CDK7: variants seen among roughly 807,000 people sequenced by gnomAD.
The protein encoded by CDK7 is cyclin-dependent kinase 7.
CDK7 carries 25 observed loss-of-function variants against 49.1 expected under a neutral mutation model. That is an observed-to-expected ratio of 0.51 (90% CI 0.37 to 0.71). The LOEUF is 0.71. Ranked by LOEUF, CDK7 falls within the 30% of genes least tolerant of loss-of-function variation. The probability of loss-of-function intolerance (pLI) is 0.00; values close to 1 mark genes in which losing one functional copy is unlikely to be tolerated. For synonymous variants in CDK7, 107 were observed against 140.0 expected (o/e 0.76, Z 1.67); for missense variants, 316 against 411.7 (o/e 0.77, Z 2.01).
At chr5:69,277,045 G>T in intron 11 of CDK7, 62 bp from the exon 12 acceptor site, 1 of 1,404,580 alleles carries the variant, frequency 7.1e-7, no homozygotes. Context: ...AAATTGCTAT[G>T]AGAATGTGAA....
intron 2 of CDK7, among the ~76,000 whole-genome samples, chr5:69,236,857 G>A (rs542860513): frequency 2.0e-5 from 3 of 151,274 alleles, no homozygotes; most frequent in South Asian, 2.1e-4. Flanking sequence ...TCGCCATGTC[G>A]GCCAGGCTGG....
intron 7 of CDK7, among the ~76,000 whole-genome samples, chr5:69,261,658 G>A (rs1263436693): frequency 6.6e-6 from 1 of 152,048 alleles, no homozygotes; most frequent in Non-Finnish European, 1.5e-5. Flanking sequence ...AGCCTCCCAA[G>A]TAGCTGGGAT....
At position 69,276,584 on chromosome 5, in the gene CDK7, AC is replaced by A; in HGVS notation, c.908del (p.Pro303LeufsTer15). The A allele has an allele frequency of 6.2e-7, 1 of 1,613,720 alleles. No homozygotes were observed. The highest frequency in any genetic ancestry group is 8.5e-7 in the Non-Finnish European group (1 of 1,179,986). ...KYFSNRPGPTPGCQLPRPNCP... is the reference protein window; with the variant it reads ...KYFSNRPGPTXGCQLPRPNCP... ...ATTTCAGTAATCGGCCAGGGCCAAC[AC>A]CTGGATGTCAGCTGCCAAGACCAAA... On this transcript the variant is annotated frameshift_variant, in exon 11 of 12. Coordinates refer to ENST00000256443, the MANE Select transcript of CDK7 (RefSeq NM_001799.4). LOFTEE classifies it high-confidence loss of function.
In CDK7 at chr5:69,276,647, A is replaced by T; in HGVS notation, c.969A>T (p.Pro323=). The change falls in exon 11 of 12, where the codon CCA becomes CCT. Residue 323 remains proline (P), a synonymous_variant. Transcript: ENST00000256443. ...PVETLKEQSN[P]ALAIKRKRTE... The stretch of plus-strand genomic sequence containing the variant: ...AAACCTTAAAGGAGCAATCAAATCC[A>T]GCTTTGGCAATAAAAAGGAAAAGAA... The T allele has an allele frequency of 6.2e-7, 1 of 1,614,196 alleles. No homozygotes were observed. Among genetic ancestry groups the T allele is most frequent in the Non-Finnish European group, 8.5e-7 (1 of 1,180,008 alleles).
intron 2 of CDK7, among the ~76,000 whole-genome samples, chr5:69,246,442 T>C (rs527972378): frequency 2.0e-5 from 3 of 152,160 alleles, no homozygotes; most frequent in East Asian, 3.9e-4. Context: ...GCCAGAAGTT[T>C]ATTAAAAAGC....
intron 2 of CDK7, among the ~76,000 whole-genome samples, chr5:69,251,593 A>C (rs1750149715): frequency 6.6e-6 from 1 of 152,030 alleles, no homozygotes; most frequent in African/African-American, 2.4e-5. Flanking sequence ...AGGCTGGAGT[A>C]CAGCAGTGTG....
At chr5:69,245,966 A>G (rs1478438050) in intron 2 of CDK7, among the ~76,000 whole-genome samples, 1 of 152,048 alleles carries the variant, frequency 6.6e-6, no homozygotes, top group Non-Finnish European at 1.5e-5. Flanking sequence ...AAGGTTGGGT[A>G]AGTTTTTTAG....
chr5:69,254,515 C>G, intron 3 of CDK7, 87 bp from the exon 4 acceptor site: 1 of 648,788 alleles, frequency 1.5e-6, no homozygotes, highest in Non-Finnish European at 2.7e-6. Context: ...GAGCGAGACT[C>G]CATCTCAAAA....
rs35194899 is a variant in CDK7 at position 69,244,636 on chromosome 5, CAAAAAAA to C, written c.127-7767_127-7761del. On this transcript the variant is annotated intron_variant, in intron 2 of 11. Transcript: ENST00000256443. Reference sequence around the variant, plus strand: ...GGGCAACAAGAGCAAAACTCCGTCTCAAAAAAAAAAAAAAAAAAAAAGATCATATCGT... The same window carrying C: ...GGGCAACAAGAGCAAAACTCCGTCTCAAAAAAAAAAAAAAGATCATATCGT... Among the ~76,000 whole-genome samples the C allele has an allele frequency of 6.3e-5, 6 of 94,866 alleles. No individual in the cohort carries two copies. In the East Asian group the frequency reaches 1.2e-3, roughly 19 times the overall value. 62.2% of individuals were successfully genotyped at this position (94,866 alleles called of 152,430 possible).
At chr5:69,244,378 C>T (rs780275781) in intron 2 of CDK7, among the ~76,000 whole-genome samples, 31 of 151,878 alleles carry the variant, frequency 2.0e-4, no homozygotes, top group Non-Finnish European at 3.4e-4. Context: ...CATATTGTCA[C>T]CAGGTGTGGT....
chr5:69,238,112 CT>C (rs1402457728), intron 2 of CDK7, among the ~76,000 whole-genome samples: 1 of 152,082 alleles, frequency 6.6e-6, no homozygotes, highest in Non-Finnish European at 1.5e-5. Flanking sequence ...GAGTCTTGGA[CT>C]TTAGAAATAC....
At chr5:69,239,506 A>C (rs1749227344) in intron 2 of CDK7, among the ~76,000 whole-genome samples, 2 of 152,094 alleles carry the variant, frequency 1.3e-5, no homozygotes. Context: ...CCTGGCCTTA[A>C]GCAATCCTCC....
rs756484013 is a variant in CDK7 at position 69,262,308 on chromosome 5, A to G, written c.627+4A>G. ...ATTAGCAGAGTTACTTCTAAGGGTA[A>G]GTCTAAATTAATGTACGCACTTTAA... On this transcript the variant is annotated splice_donor_region_variant and intron_variant, in intron 8 of 11. Transcript: ENST00000256443. 6.2e-7 allele frequency: 1 copy of G among 1,613,948 alleles called. No homozygotes were observed. The highest frequency in any genetic ancestry group is 2.2e-5 in the East Asian group (1 of 44,894).
chr5:69,259,985 C>A, intron 7 of CDK7, 49 bp downstream of exon 7: 1 of 1,097,800 alleles, frequency 9.1e-7, no homozygotes, highest in Non-Finnish European at 1.4e-6. Flanking sequence ...CAGAAATGAG[C>A]ATCAACTGGC....
At chr5:69,261,676 G>A (rs1580320009) in intron 7 of CDK7, among the ~76,000 whole-genome samples, 1 of 151,932 alleles carries the variant, frequency 6.6e-6, no homozygotes, top group Non-Finnish European at 1.5e-5. Context: ...GATTACAGGC[G>A]CCCACCACCA....
chr5:69,268,043 C>T (rs1404163048), intron 8 of CDK7, among the ~76,000 whole-genome samples: 3 of 152,160 alleles, frequency 2.0e-5, no homozygotes, highest in Non-Finnish European at 4.4e-5. Flanking sequence ...CTCACTGCAG[C>T]CTCCATCTCC....
chr5:69,259,857 G>A lies in CDK7; in HGVS notation c.448G>A (p.Val150Ile). The change falls in exon 7 of 12, where the codon GTT becomes ATT. Residue 150 changes from valine to isoleucine, a missense_variant. Transcript: ENST00000256443. ...CAACTTGTTGCTAGATGAAAATGGA[G>A]TTCTAAAACTGGCAGATTTTGGCCT... ...PNNLLLDENG[V>I]LKLADFGLAK... is the part of the protein sequence containing the mutation. The A allele has an allele frequency of 6.2e-6, 10 of 1,614,088 alleles. No individual in the cohort carries two copies. The highest frequency in any genetic ancestry group is 7.6e-6 in the Non-Finnish European group (9 of 1,179,966).
chr5:69,253,516 T>G (rs922568777), intron 3 of CDK7, among the ~76,000 whole-genome samples: 2 of 152,150 alleles, frequency 1.3e-5, no homozygotes, highest in African/African-American at 4.8e-5. Flanking sequence ...TCTGCCCACC[T>G]AGGCCTCCCA....
At chr5:69,245,561 G>A (rs368412709) in intron 2 of CDK7, among the ~76,000 whole-genome samples, 6 of 151,762 alleles carry the variant, frequency 4.0e-5, no homozygotes, top group East Asian at 1.9e-4. Context: ...GGCTGGTCTC[G>A]AACTCCTGAC....
Sources: allele counts gnomAD v4.1 joint callset (sites outside exome capture counted in the v4.1 genomes callset), GRCh38; gene constraint gnomAD v4.1.1; transcripts MANE v1.5; gene names NCBI Gene and HGNC (gene_info 2026-07-23, HGNC 2026-07-21).